The following OSBPL8 variants were observed in gnomAD, a reference collection of about 807,000 sequenced individuals.
The protein encoded by OSBPL8 is oxysterol binding protein like 8, also known as oxysterol-binding protein-related protein 8.
OSBPL8 carries 59 observed loss-of-function variants against 125.5 expected under a neutral mutation model. The observed-to-expected ratio is 0.47, with a 90% CI of 0.38 to 0.58. The LOEUF is 0.58. Among genes scored for constraint, OSBPL8 ranks in the 20% least tolerant of loss-of-function variants. OSBPL8 has a pLI of 0.00. For missense variants in OSBPL8, 758 were observed against 1,047.8 expected, an observed-to-expected ratio of 0.72 and a Z score of 3.82; for synonymous variants, 330 against 338.9, an observed-to-expected ratio of 0.97 and a Z score of 0.29.
intron 3 of OSBPL8, among the ~76,000 whole-genome samples, chr12:76,454,322 T>C (rs1021510140): frequency 6.6e-5 from 10 of 152,180 alleles, no homozygotes; most frequent in Middle Eastern, 3.2e-3. Flanking sequence ...ATCCATATAA[T>C]GAAATAGTAT....
intron 2 of OSBPL8, among the ~76,000 whole-genome samples, chr12:76,483,660 C>CT (rs869202382): frequency 0.066 from 3,807 of 57,422 alleles, 1,138 homozygotes; most frequent in Non-Finnish European, 0.072. Context: ...CTGTAATAGT[C>CT]TTTTTTTTTT....
intron 3 of OSBPL8, among the ~76,000 whole-genome samples, chr12:76,454,339 C>CTTT (rs1438464080): frequency 3.3e-5 from 5 of 151,912 alleles, no homozygotes; most frequent in Non-Finnish European, 7.4e-5. Context: ...GTATATAGCA[C>CTTT]TAAAAAGGAA....
At chr12:76,463,476 T>C (rs563051433) in intron 2 of OSBPL8, among the ~76,000 whole-genome samples, 1 of 152,290 alleles carries the variant, frequency 6.6e-6, no homozygotes, top group South Asian at 2.1e-4. Context: ...CAGCTGGATA[T>C]ATAAATCTGT....
At chr12:76,401,783 T>A (rs2136355101) in intron 6 of OSBPL8, among the ~76,000 whole-genome samples, 1 of 152,322 alleles carries the variant, frequency 6.6e-6, no homozygotes, top group East Asian at 1.9e-4. Flanking sequence ...ATGTAAGTTA[T>A]AAATAATTAA....
chr12:76,373,002 T>C (rs1198115270), intron 18 of OSBPL8, among the ~76,000 whole-genome samples: 2 of 152,118 alleles, frequency 1.3e-5, no homozygotes, highest in Non-Finnish European at 2.9e-5. Context: ...ATGGGGACAA[T>C]AATAAACAAT....
At chr12:76,458,197 A>G (rs1016535916) in intron 3 of OSBPL8, among the ~76,000 whole-genome samples, 2 of 151,314 alleles carry the variant, frequency 1.3e-5, no homozygotes, top group Non-Finnish European at 2.9e-5. Flanking sequence ...GCTTGAGTCT[A>G]GGAGAAGTTG....
chr12:76,509,344 CTGT>C (rs1386015068), intron 1 of OSBPL8, among the ~76,000 whole-genome samples: 2 of 152,192 alleles, frequency 1.3e-5, no homozygotes, highest in South Asian at 2.1e-4. Flanking sequence ...AAATGTATGC[CTGT>C]TGTTAAGTGA....
chr12:76,537,400 C>T (rs934418467), intron 1 of OSBPL8, among the ~76,000 whole-genome samples: 1 of 152,130 alleles, frequency 6.6e-6, no homozygotes, highest in Non-Finnish European at 1.5e-5. Context: ...TGCAGGGTTA[C>T]CACTGTTATG....
intron 1 of OSBPL8, among the ~76,000 whole-genome samples, chr12:76,507,562 G>C (rs2137158296): frequency 6.6e-6 from 1 of 151,820 alleles, no homozygotes; most frequent in Middle Eastern, 3.4e-3. Context: ...GCTCACACCT[G>C]TAATCCCAGC....
intron 1 of OSBPL8, among the ~76,000 whole-genome samples, chr12:76,530,220 C>CTTTT (rs59016280): frequency 3.7e-5 from 4 of 107,212 alleles, no homozygotes; most frequent in East Asian, 2.6e-4. Flanking sequence ...CCGGGCCTGG[C>CTTTT]TTTTTTTTTT....
At chr12:76,413,323 C>T (rs1220361765) in intron 4 of OSBPL8, among the ~76,000 whole-genome samples, 2 of 152,196 alleles carry the variant, frequency 1.3e-5, no homozygotes, top group African/African-American at 2.4e-5. Context: ...TATTTACTAG[C>T]GTGTCACAGC....
intron 1 of OSBPL8, among the ~76,000 whole-genome samples, chr12:76,505,792 C>T (rs186895944): frequency 9.0e-4 from 137 of 152,200 alleles, no homozygotes; most frequent in African/African-American, 3.1e-3. Flanking sequence ...GAATAGGGAA[C>T]AGTAGTGAGC....
chr12:76,357,994 T>C (rs978897180), intron 22 of OSBPL8, among the ~76,000 whole-genome samples: 1 of 152,142 alleles, frequency 6.6e-6, no homozygotes, highest in African/African-American at 2.4e-5. Context: ...CTAAGTTTTA[T>C]ATTTTTATTG....
At chr12:76,441,651 T>C (rs1872194620) in intron 4 of OSBPL8, among the ~76,000 whole-genome samples, 1 of 152,082 alleles carries the variant, frequency 6.6e-6, no homozygotes, top group Non-Finnish European at 1.5e-5. Flanking sequence ...CATTTTTTAA[T>C]GTTATATTAA....
At chr12:76,503,179 A>G (rs571234018) in intron 1 of OSBPL8, among the ~76,000 whole-genome samples, 1 of 152,352 alleles carries the variant, frequency 6.6e-6, no homozygotes, top group South Asian at 2.1e-4. Context: ...ATAATAAAAT[A>G]CGACAAACTG....
chr12:76,540,695 A>T (rs908015515), intron 1 of OSBPL8, among the ~76,000 whole-genome samples: 1 of 151,966 alleles, frequency 6.6e-6, no homozygotes, highest in Non-Finnish European at 1.5e-5. Context: ...AAAAAAAAAA[A>T]ACTTCAGACA....
At position 76,388,575 on chromosome 12, in the gene OSBPL8, A is replaced by G. The variant is rs186293291; in HGVS notation, c.1352+1070T>C. ...AGAACGAGGATATAAAAGCTTTTTG[A>G]CTTTTTGTCAATGTGGTGGATAAAC... On this transcript the variant is annotated intron_variant, in intron 12 of 23. Transcript: ENST00000261183. 2.0e-3 allele frequency among the ~76,000 whole-genome samples: 303 copies of G among 152,310 alleles called. 1 individual carries two copies. The highest frequency in any genetic ancestry group is 6.9e-3 in the African/African-American group (288 of 41,584).
intron 4 of OSBPL8, among the ~76,000 whole-genome samples, chr12:76,440,944 G>A (rs1156796563): frequency 6.6e-6 from 1 of 152,028 alleles, no homozygotes; most frequent in Non-Finnish European, 1.5e-5. Flanking sequence ...AATTCACATT[G>A]TAAATTTCTA....
chr12:76,430,149 ATTC>A (rs540550840), intron 4 of OSBPL8, among the ~76,000 whole-genome samples: 49 of 152,286 alleles, frequency 3.2e-4, no homozygotes, highest in African/African-American at 1.1e-3. Context: ...ACCCAACCAC[ATTC>A]TTCTTAATGG....
Sources: gnomAD v4.1 joint callset for allele counts (sites outside exome capture counted in the v4.1 genomes callset) on GRCh38, gnomAD v4.1.1 for gene constraint, MANE v1.5 for transcripts, NCBI Gene and HGNC (gene_info 2026-07-23, HGNC 2026-07-21) for gene names.